The following PRR16 variants were observed in gnomAD, a reference collection of about 807,000 sequenced individuals.
PRR16 encodes the protein proline rich 16.
PRR16 carries 6 observed loss-of-function variants against 18.2 expected under a neutral mutation model. The observed-to-expected ratio is 0.33, with a 90% CI of 0.18 to 0.65. The LOEUF is 0.65. Among genes scored for constraint, PRR16 ranks in the 30% least tolerant of loss-of-function variants. The pLI, the probability that PRR16 is intolerant of heterozygous loss-of-function variation, is 0.74. For missense variants in PRR16, 412 were observed against 376.6 expected, an observed-to-expected ratio of 1.09 and a Z score of -0.78; for synonymous variants, 151 against 147.8, an observed-to-expected ratio of 1.02 and a Z score of -0.16.
chr5:120,471,773 A>G (rs929888143), intron 1 of PRR16, among the ~76,000 whole-genome samples: 10 of 152,142 alleles, frequency 6.6e-5, no homozygotes, highest in African/African-American at 2.2e-4. Flanking sequence ...GGAACTGGGA[A>G]CCCAAAGTCA....
chr5:120,562,683 A>G (rs1752613811), intron 1 of PRR16, among the ~76,000 whole-genome samples: 2 of 152,066 alleles, frequency 1.3e-5, no homozygotes, highest in African/African-American at 2.4e-5. Flanking sequence ...GAGTCTTGCA[A>G]ATACTGTCTT....
intron 1 of PRR16, among the ~76,000 whole-genome samples, chr5:120,559,148 G>C (rs7706727): frequency 0.79 from 120,314 of 151,848 alleles, 48,549 homozygotes; most frequent in Non-Finnish European, 0.83. Flanking sequence ...TTCTTTTTAA[G>C]TTGATGTGAT....
At chr5:120,487,734 A>G (rs2112820580) in intron 1 of PRR16, among the ~76,000 whole-genome samples, 1 of 152,268 alleles carries the variant, frequency 6.6e-6, no homozygotes, top group East Asian at 1.9e-4. Flanking sequence ...CCAGTTTTCA[A>G]AGGGAATGCT....
rs10606917 is a variant in PRR16 at position 120,646,048 on chromosome 5, T to TTATATATATATATATATATATATATA, written c.160-39904_160-39879dup. ...CAAATTACAAAAAAAAATACATATT[T>TTATATATATATATATATATATATATA]TATATATATATATATATATATATAT... On this transcript the variant is annotated intron_variant, in intron 1 of 1. Coordinates refer to ENST00000407149, the MANE Select transcript of PRR16 (RefSeq NM_001300783.2). Among the ~76,000 whole-genome samples, 87 of 104,932 alleles carry TTATATATATATATATATATATATATA rather than the reference T, an allele frequency of 8.3e-4. 1 individual carries two copies. Among genetic ancestry groups the TTATATATATATATATATATATATATA allele is most frequent in the East Asian group, 2.3e-3 (6 of 2,582 alleles). 68.8% of individuals were successfully genotyped at this position (104,932 alleles called of 152,430 possible).
chr5:120,756,412 C>T, the PRR16 span, among the ~76,000 whole-genome samples: 1 of 152,106 alleles, frequency 6.6e-6, no homozygotes, highest in Admixed American at 6.6e-5. Context: ...TACATTTCTA[C>T]CAGAAGTATG....
intron 1 of PRR16, among the ~76,000 whole-genome samples, chr5:120,666,236 C>G (rs1435421288): frequency 6.6e-6 from 1 of 152,168 alleles, no homozygotes; most frequent in Non-Finnish European, 1.5e-5. Flanking sequence ...AATGGGAATT[C>G]ACTCATGATT....
chr5:120,729,548 GTATT>G, the PRR16 span, among the ~76,000 whole-genome samples: 1 of 152,078 alleles, frequency 6.6e-6, no homozygotes, highest in Non-Finnish European at 1.5e-5. Context: ...TAGGGTTTGA[GTATT>G]TGTTTGCTTA....
chr5:120,488,281 A>C (rs868347148), intron 1 of PRR16, among the ~76,000 whole-genome samples: 14 of 151,936 alleles, frequency 9.2e-5, no homozygotes, highest in Admixed American at 2.0e-4. Flanking sequence ...CTGGTCTTAG[A>C]CTTTTTTTGG....
chr5:120,744,030 C>T, the PRR16 span, among the ~76,000 whole-genome samples: 1 of 151,800 alleles, frequency 6.6e-6, no homozygotes, highest in African/African-American at 2.4e-5. Context: ...ACTTTATCTT[C>T]AAGAGACTGT....
At chr5:120,511,650 C>T (rs183651396) in intron 1 of PRR16, among the ~76,000 whole-genome samples, 5 of 152,300 alleles carry the variant, frequency 3.3e-5, no homozygotes, top group Admixed American at 3.3e-4. Context: ...GGGCAACTTT[C>T]TACTCAATTA....
chr5:120,471,494 A>C (rs1371448708), intron 1 of PRR16, among the ~76,000 whole-genome samples: 1 of 152,082 alleles, frequency 6.6e-6, no homozygotes, highest in African/African-American at 2.4e-5. Context: ...TGACTGATGA[A>C]TTAGAGAATC....
At chr5:120,551,096 C>T (rs6860323) in intron 1 of PRR16, among the ~76,000 whole-genome samples, 31,402 of 151,736 alleles carry the variant, frequency 0.21, 3,366 homozygotes, top group Non-Finnish European at 0.21. Flanking sequence ...CTGTATAATA[C>T]GTTATTATCT....
chr5:120,752,634 C>G, the PRR16 span, among the ~76,000 whole-genome samples: 2 of 151,852 alleles, frequency 1.3e-5, no homozygotes, highest in Non-Finnish European at 2.9e-5. Context: ...CTTCTATATT[C>G]CTAGATTGTG....
chr5:120,605,704 G>T (rs1561570379), intron 1 of PRR16, among the ~76,000 whole-genome samples: 1 of 152,078 alleles, frequency 6.6e-6, no homozygotes, highest in South Asian at 2.1e-4. Flanking sequence ...TATATTCTTT[G>T]ATGCCCTTTA....
rs193070475 is a variant in PRR16, at chr5:120,470,791, G to A, written c.159+6146G>A. On this transcript the variant is annotated intron_variant, in intron 1 of 1. Transcript: ENST00000407149. The stretch of plus-strand genomic sequence containing the variant: ...TTTACACATAAGAAATCTGAGGTCC[G>A]AGATAGTAAGTCATTTGCCCAACTC... 3.3e-5 allele frequency among the ~76,000 whole-genome samples: 5 copies of A among 152,232 alleles called. No individual in the cohort carries two copies. The East Asian group carries it at 7.7e-4, about 23-fold the overall frequency.
At chr5:120,465,291 A>C (rs905610717) in intron 1 of PRR16, among the ~76,000 whole-genome samples, 1 of 152,160 alleles carries the variant, frequency 6.6e-6, no homozygotes, top group Non-Finnish European at 1.5e-5. Context: ...CGTCGTTACC[A>C]GTAACTCTGG....
intron 1 of PRR16, among the ~76,000 whole-genome samples, chr5:120,600,789 A>G (rs982981857): frequency 3.3e-5 from 5 of 151,782 alleles, no homozygotes; most frequent in Admixed American, 6.6e-5. Context: ...TGTAAGCCCA[A>G]TGTTTATCTT....
At chr5:120,659,893 T>G (rs900986633) in intron 1 of PRR16, among the ~76,000 whole-genome samples, 1 of 152,034 alleles carries the variant, frequency 6.6e-6, no homozygotes, top group African/African-American at 2.4e-5. Context: ...CTGAAACACC[T>G]TCACATTTTG....
the PRR16 span, among the ~76,000 whole-genome samples, chr5:120,706,258 A>T: frequency 2.0e-5 from 3 of 152,084 alleles, no homozygotes; most frequent in African/African-American, 7.2e-5. Flanking sequence ...GTTGCTAAGC[A>T]AGTCATCACC....
Sources: allele counts gnomAD v4.1 joint callset (sites outside exome capture counted in the v4.1 genomes callset), GRCh38; gene constraint gnomAD v4.1.1; transcripts MANE v1.5; gene names NCBI Gene and HGNC (gene_info 2026-07-23, HGNC 2026-07-21).